The following GALNTL6 variants were observed in gnomAD, a reference collection of about 807,000 sequenced individuals.
GALNTL6 encodes the protein polypeptide N-acetylgalactosaminyltransferase-like 6.
GALNTL6 carries 46 observed loss-of-function variants against 73.7 expected under a neutral mutation model. The ratio of observed to expected loss-of-function variants is 0.62; its 90% CI spans 0.49 to 0.80. The LOEUF is 0.80. Among genes scored for constraint, GALNTL6 ranks in the 30% least tolerant of loss-of-function variants. The pLI, the probability that GALNTL6 is intolerant of heterozygous loss-of-function variation, is 0.00. For missense variants in GALNTL6, 604 were observed against 755.0 expected (o/e 0.80, Z 2.34); for synonymous variants, 259 against 263.7 (o/e 0.98, Z 0.17).
At chr4:171,965,657 G>GAAAA (rs10625618) in intron 2 of GALNTL6, among the ~76,000 whole-genome samples, 38,571 of 100,138 alleles carry the variant, frequency 0.39, 8,300 homozygotes, top group Middle Eastern at 0.53. Flanking sequence ...CTCCGTCTCA[G>GAAAA]AAAAAAAAAA....
At chr4:172,449,084 G>A (rs1464589223) in intron 5 of GALNTL6, among the ~76,000 whole-genome samples, 1 of 152,122 alleles carries the variant, frequency 6.6e-6, no homozygotes, top group Non-Finnish European at 1.5e-5. Flanking sequence ...TCCACAATCT[G>A]AATTGCACTG....
At chr4:172,967,675 T>C (rs1209523575) in intron 10 of GALNTL6, among the ~76,000 whole-genome samples, 1 of 152,158 alleles carries the variant, frequency 6.6e-6, no homozygotes, top group African/African-American at 2.4e-5. Context: ...TGACATAACT[T>C]CATTATAATG....
intron 2 of GALNTL6, among the ~76,000 whole-genome samples, chr4:172,222,574 A>G (rs1736716668): frequency 6.6e-6 from 1 of 151,926 alleles, no homozygotes. Flanking sequence ...AGCATTATCA[A>G]TTACCATTTG....
intron 5 of GALNTL6, among the ~76,000 whole-genome samples, chr4:172,744,982 AT>A (rs1737018870): frequency 6.6e-6 from 1 of 152,004 alleles, no homozygotes; most frequent in Non-Finnish European, 1.5e-5. Context: ...TGATTTTAGT[AT>A]AATAATCAAT....
intron 5 of GALNTL6, among the ~76,000 whole-genome samples, chr4:172,369,853 C>G (rs1579002792): frequency 6.6e-6 from 1 of 152,184 alleles, no homozygotes. Flanking sequence ...ACGCCTCTCC[C>G]TCCACACCTC....
intron 4 of GALNTL6, among the ~76,000 whole-genome samples, chr4:172,313,270 C>T (rs535476750): frequency 4.6e-5 from 7 of 151,900 alleles, no homozygotes; most frequent in African/African-American, 1.7e-4. Context: ...GGACTACAGG[C>T]GCCTGCCACC....
chr4:172,746,033 C>T (rs1327942434), intron 5 of GALNTL6, among the ~76,000 whole-genome samples: 1 of 143,194 alleles, frequency 7.0e-6, no homozygotes, highest in Non-Finnish European at 1.5e-5. Context: ...TGAAATTTCT[C>T]ATATTAAAAT....
At chr4:172,288,605 T>G (rs17058225) in intron 3 of GALNTL6, among the ~76,000 whole-genome samples, 23,727 of 152,094 alleles carry the variant, frequency 0.16, 1,987 homozygotes, top group Middle Eastern at 0.2. Context: ...TATAAAGCAG[T>G]TTCCATATGA....
rs560232770 is a variant in GALNTL6, at chr4:172,756,567, C to T, written c.554-52794C>T. On this transcript the variant is annotated intron_variant, in intron 5 of 12. Transcript: ENST00000506823. ...GGCTGAAGCAGGAGAATCGCTTGAACCCAGAAGGCCGAAGTTGCAGTGAGC... is the reference window on the plus strand; with the variant it reads ...GGCTGAAGCAGGAGAATCGCTTGAATCCAGAAGGCCGAAGTTGCAGTGAGC... Among the ~76,000 whole-genome samples, 8 of 152,020 alleles carry T rather than the reference C, an allele frequency of 5.3e-5. No homozygotes were observed. The East Asian group carries it at 1.5e-3, about 29-fold the overall frequency.
At chr4:172,357,500 G>A (rs1050259145) in intron 5 of GALNTL6, among the ~76,000 whole-genome samples, 1 of 152,082 alleles carries the variant, frequency 6.6e-6, no homozygotes, top group Non-Finnish European at 1.5e-5. Context: ...GAAGTTACTG[G>A]GCAAATGTCC....
At chr4:172,979,484 A>G (rs1750979346) in intron 10 of GALNTL6, among the ~76,000 whole-genome samples, 1 of 152,240 alleles carries the variant, frequency 6.6e-6, no homozygotes, top group Non-Finnish European at 1.5e-5. Flanking sequence ...CATTCTGAGT[A>G]GAGTTCAAGC....
chr4:172,824,239 G>T (rs953606247), intron 7 of GALNTL6, among the ~76,000 whole-genome samples: 1 of 152,076 alleles, frequency 6.6e-6, no homozygotes, highest in African/African-American at 2.4e-5. Flanking sequence ...GTGTCCAGGG[G>T]TCAGCGAGCA....
At chr4:172,958,097 G>T (rs1749845260) in intron 10 of GALNTL6, among the ~76,000 whole-genome samples, 1 of 152,220 alleles carries the variant, frequency 6.6e-6, no homozygotes, top group Non-Finnish European at 1.5e-5. Context: ...AGTGAGTACA[G>T]CTGAAGGAGC....
intron 2 of GALNTL6, among the ~76,000 whole-genome samples, chr4:172,127,502 A>C (rs1267843752): frequency 6.6e-6 from 1 of 152,266 alleles, no homozygotes; most frequent in Non-Finnish European, 1.5e-5. Context: ...ACATGTACCT[A>C]ATTTAGCTTT....
chr4:172,673,324 G>T (rs1732095128), intron 5 of GALNTL6, among the ~76,000 whole-genome samples: 1 of 152,172 alleles, frequency 6.6e-6, no homozygotes, highest in Admixed American at 6.5e-5. Flanking sequence ...TGATTGTGCT[G>T]TGGTCCAAGA....
At chr4:172,628,880 T>A (rs1739274368) in intron 5 of GALNTL6, among the ~76,000 whole-genome samples, 2 of 152,128 alleles carry the variant, frequency 1.3e-5, no homozygotes, top group Non-Finnish European at 2.9e-5. Context: ...ATTAAAAGAT[T>A]TTCAAGATCC....
chr4:171,867,383 T>C (rs1490803055), intron 2 of GALNTL6, among the ~76,000 whole-genome samples: 1 of 152,202 alleles, frequency 6.6e-6, no homozygotes, highest in African/African-American at 2.4e-5. Context: ...CACTTTCTTA[T>C]CTGGGGAAAC....
intron 7 of GALNTL6, among the ~76,000 whole-genome samples, chr4:172,873,727 A>T (rs914400477): frequency 7.2e-5 from 11 of 152,230 alleles, no homozygotes; most frequent in Admixed American, 1.3e-4. Flanking sequence ...CTTTTTGCTT[A>T]AGAACTCTTT....
chr4:172,203,427 C>G, intron 2 of GALNTL6, among the ~76,000 whole-genome samples: 1 of 152,020 alleles, frequency 6.6e-6, no homozygotes, highest in Middle Eastern at 3.4e-3. Context: ...GAAACGATGG[C>G]GGTATTTTAA....
Sources: gnomAD v4.1 joint callset for allele counts (sites outside exome capture counted in the v4.1 genomes callset) on GRCh38, gnomAD v4.1.1 for gene constraint, MANE v1.5 for transcripts, NCBI Gene and HGNC (gene_info 2026-07-23, HGNC 2026-07-21) for gene names.